XRN1: variants seen among roughly 807,000 people sequenced by gnomAD.
XRN1 encodes the protein strand-exchange protein 1 homolog.
In XRN1, 67 loss-of-function variants were observed where a neutral mutation model predicts 222.3. The ratio of observed to expected loss-of-function variants is 0.30; its 90% CI spans 0.25 to 0.37. The LOEUF is 0.37. XRN1 is among the 10% of genes least tolerant of loss of function. The pLI, the probability that XRN1 is intolerant of heterozygous loss-of-function variation, is 1.00. For missense variants in XRN1, 1,707 were observed against 2,000.2 expected, an observed-to-expected ratio of 0.85 and a Z score of 2.80; for synonymous variants, 643 against 652.4, an observed-to-expected ratio of 0.99 and a Z score of 0.22.
At chr3:142,390,950 G>A (rs897586182) in intron 20 of XRN1, among the ~76,000 whole-genome samples, 19 of 152,046 alleles carry the variant, frequency 1.2e-4, no homozygotes, top group East Asian at 1.9e-4. Flanking sequence ...CTAGGGGACC[G>A]TTGGTTGGTA....
intron 37 of XRN1, among the ~76,000 whole-genome samples, chr3:142,327,120 C>A (rs1406534563): frequency 6.6e-6 from 1 of 152,000 alleles, no homozygotes; most frequent in African/African-American, 2.4e-5. Flanking sequence ...CAGGGTAATA[C>A]TGGCAAGTTT....
chr3:142,432,689 T>C lies in XRN1; in HGVS notation c.280A>G (p.Met94Val), dbSNP rs751208217. 3.1e-6 allele frequency: 5 copies of C among 1,609,156 alleles called. No individual in the cohort carries two copies. The South Asian group carries it at 3.3e-5, about 11-fold the overall frequency. ...AVDGVAPRAKMNQQRGRRFRS... is the reference protein window; with the variant it reads ...AVDGVAPRAKVNQQRGRRFRS... ...AAACGCCTCCCACGCTGCTGGTTCA[T>C]TTTTGCTCGAGGAGCCACACCATCT... Residue 94 changes from methionine (M) to valine (V), a missense_variant, in exon 2 of 41, where the codon ATG becomes GTG. Around this residue, in one of 2 missense-constraint regions of XRN1, gnomAD observed 1,234 missense variants for 1,518.2 expected, o/e 0.81. Transcript: ENST00000392981.
At position 142,412,651 on chromosome 3, in the gene XRN1, T is replaced by C. The variant is rs1263923368; in HGVS notation, c.1606A>G (p.Asn536Asp). 6.3e-7 allele frequency: 1 copy of C among 1,588,948 alleles called. No individual in the cohort carries two copies. The highest frequency in any genetic ancestry group is 1.7e-5 in the Admixed American group (1 of 59,566). Residue 536 changes from asparagine (N) to aspartate (D), a missense_variant, in exon 15 of 41, where the codon AAT becomes GAT. Around this residue, in one of 2 missense-constraint regions of XRN1, gnomAD observed 1,234 missense variants for 1,518.2 expected, o/e 0.81. Transcript: ENST00000392981. ...TATTCTATAATTGGTGAGTCTTCATTGGTCATCAAATGCTGTGAAAATATG... is the reference window on the plus strand; with the variant it reads ...TATTCTATAATTGGTGAGTCTTCATCGGTCATCAAATGCTGTGAAAATATG... ...LPACYQHLMT[N>D]EDSPIIEYYP... is the part of the protein sequence containing the mutation.
intron 1 of XRN1, among the ~76,000 whole-genome samples, chr3:142,434,435 G>T (rs985929211): frequency 5.3e-5 from 8 of 151,422 alleles, no homozygotes; most frequent in African/African-American, 1.9e-4. Flanking sequence ...CTCCCAAAGT[G>T]ATGGAATTAC....
intron 3 of XRN1, chr3:142,426,503 C>G (rs2069253413): frequency 2.4e-6 from 1 of 424,488 alleles, no homozygotes; most frequent in Non-Finnish European, 4.2e-6. Context: ...TTCTGTCCAC[C>G]TGGGAGATTC....
At chr3:142,312,382 A>G (rs2065100788) in intron 40 of XRN1, among the ~76,000 whole-genome samples, 1 of 152,196 alleles carries the variant, frequency 6.6e-6, no homozygotes, top group South Asian at 2.1e-4. Context: ...ATCAATCTGT[A>G]TTAGAATAGC....
At chr3:142,407,391 A>G (rs2068382180) in intron 15 of XRN1, among the ~76,000 whole-genome samples, 1 of 152,170 alleles carries the variant, frequency 6.6e-6, no homozygotes, top group Non-Finnish European at 1.5e-5. Flanking sequence ...GTGCAGTGGC[A>G]CAATCTCGGC....
chr3:142,387,273 A>C (rs2067540169), intron 20 of XRN1, among the ~76,000 whole-genome samples: 1 of 152,214 alleles, frequency 6.6e-6, no homozygotes, highest in African/African-American at 2.4e-5. Flanking sequence ...AGAAAACACA[A>C]ATGTATGTGG....
At chr3:142,350,000 C>A (rs1243738474) in intron 32 of XRN1, among the ~76,000 whole-genome samples, 1 of 152,114 alleles carries the variant, frequency 6.6e-6, no homozygotes, top group Admixed American at 6.6e-5. Flanking sequence ...ACAAAAAGAA[C>A]ACATAACCCC....
intron 33 of XRN1, among the ~76,000 whole-genome samples, chr3:142,342,139 T>C (rs147463655): frequency 2.1e-4 from 32 of 152,214 alleles, no homozygotes; most frequent in Non-Finnish European, 4.6e-4. Context: ...CAAAAATCAG[T>C]AGCATTTTTA....
chr3:142,387,820 G>A (rs975126536), intron 20 of XRN1, among the ~76,000 whole-genome samples: 1 of 152,034 alleles, frequency 6.6e-6, no homozygotes, highest in Non-Finnish European at 1.5e-5. Context: ...GGATACGGGG[G>A]TTTATCACTC....
rs1180710983 is a variant in XRN1 at position 142,447,848 on chromosome 3, C to G, written c.75+22G>C. On this transcript the variant is annotated intron_variant, in intron 1 of 40. Transcript: ENST00000392981. The surrounding 1 kb of genome is among the most constrained non-coding windows in gnomAD (Gnocchi z 4.2). ...AGCCCCGGGTCCTCGGCTTTCTGAG[C>G]CGTTGCCCCTCGCTCACCCACCTGA... 3.7e-6 allele frequency: 6 copies of G among 1,612,552 alleles called. No homozygotes were observed. Among genetic ancestry groups the G allele is most frequent in the Non-Finnish European group, 5.1e-6 (6 of 1,179,622 alleles).
chr3:142,447,375 G>A lies in XRN1; in HGVS notation c.75+495C>T, dbSNP rs2108230015. 6.6e-6 allele frequency among the ~76,000 whole-genome samples: 1 copy of A among 152,266 alleles called. No individual in the cohort carries two copies. The highest frequency in any genetic ancestry group is 2.4e-5 in the African/African-American group (1 of 41,566). ...ACCATCAGCCACGTCGGAAAGTCTAGGCTCCGGGGGCCGGGTGGGCCGCGC... is the reference window on the plus strand; with the variant it reads ...ACCATCAGCCACGTCGGAAAGTCTAAGCTCCGGGGGCCGGGTGGGCCGCGC... On this transcript the variant is annotated intron_variant, in intron 1 of 40. Coordinates refer to ENST00000392981, the MANE Select transcript of XRN1 (RefSeq NM_001282857.2). This position sits in a 1 kb window ranked among gnomAD's most constrained non-coding sequence, Gnocchi z 4.2.
rs935630712 is a variant in XRN1, at chr3:142,423,697, G to A, written c.628-55C>T. On this transcript the variant is annotated intron_variant, in intron 5 of 40. Coordinates refer to ENST00000392981, the MANE Select transcript of XRN1 (RefSeq NM_001282857.2). ...ATTCTCCCATTTTTAATAATATTAG[G>A]TTCACAAAAGCAATTAAAAAACAAT... 9.6e-6 allele frequency: 13 copies of A among 1,355,826 alleles called. No individual in the cohort carries two copies. In the African/African-American group the frequency reaches 1.6e-4, roughly 17 times the overall value. The allele number at this position is 1,355,826 out of a possible 1,614,324, so 84.0% of individuals were successfully genotyped here.
chr3:142,428,491 A>G (rs183783665), intron 2 of XRN1, among the ~76,000 whole-genome samples: 1 of 152,354 alleles, frequency 6.6e-6, no homozygotes, highest in Non-Finnish European at 1.5e-5. Flanking sequence ...TGGATGCAAT[A>G]AAGAAAATGT....
At position 142,397,394 on chromosome 3, in the gene XRN1, T is replaced by C. The variant is rs201500723; in HGVS notation, c.2274A>G (p.Lys758=). 2 of 1,610,390 alleles carry C rather than the reference T, an allele frequency of 1.2e-6. No individual in the cohort carries two copies. The highest frequency in any genetic ancestry group is 1.7e-6 in the Non-Finnish European group (2 of 1,177,848). The change falls in exon 20 of 41, where the codon AAA becomes AAG. Residue 758 remains lysine, a synonymous_variant. Coordinates refer to ENST00000392981, the MANE Select transcript of XRN1 (RefSeq NM_001282857.2). ...LYSGRTAPPS[K]VVHLGDKEQS... ...GTTCTTTATCTCCAAGATGAACCAC[T>C]TTAGATGGTGGGGCAGTTCTTCCTG...
chr3:142,355,555 T>C (rs531709896), intron 31 of XRN1, 59 bp from the exon 32 acceptor site: 18 of 1,128,954 alleles, frequency 1.6e-5, no homozygotes, highest in Admixed American at 1.5e-4. Context: ...AAAATACATA[T>C]TAAAAATCAA....
chr3:142,430,442 A>G (rs1172570096), intron 2 of XRN1, among the ~76,000 whole-genome samples: 1 of 152,198 alleles, frequency 6.6e-6, no homozygotes, highest in East Asian at 1.9e-4. Context: ...AGTTCCCAGG[A>G]GTTTCTCAAC....
intron 1 of XRN1, among the ~76,000 whole-genome samples, chr3:142,446,641 T>C (rs1387433737): frequency 2.6e-5 from 4 of 152,230 alleles, no homozygotes; most frequent in Non-Finnish European, 4.4e-5. Context: ...AAGTGACTGA[T>C]ATATAGCAGG....
Sources: allele counts gnomAD v4.1 joint callset (sites outside exome capture counted in the v4.1 genomes callset), GRCh38; gene constraint gnomAD v4.1.1; regional missense constraint gnomAD v4.1.1; non-coding constraint Gnocchi (gnomAD v3.1); transcripts MANE v1.5; gene names NCBI Gene and HGNC (gene_info 2026-07-23, HGNC 2026-07-21).